The following OR6J1 variants were observed in gnomAD, a reference collection of about 807,000 sequenced individuals.
OR6J1 encodes the protein olfactory receptor family 6 subfamily J member 1, also known as olfactory receptor 6J1.
For synonymous variants in OR6J1, 109 were observed against 70.0 expected (o/e 1.56, Z -2.78); for missense variants, 304 against 166.8 (o/e 1.82, Z -4.53).
chr14:22,636,123 G>C (rs1185926357), intron 1 of OR6J1, among the ~76,000 whole-genome samples: 1 of 151,188 alleles, frequency 6.6e-6, no homozygotes, highest in Non-Finnish European at 1.5e-5. Flanking sequence ...TAGAAAGATG[G>C]GCCAAACATG....
At chr14:22,643,220 G>A (rs1395188233) in intron 1 of OR6J1, among the ~76,000 whole-genome samples, 5 of 150,844 alleles carry the variant, frequency 3.3e-5, no homozygotes, top group Admixed American at 6.6e-5. Context: ...CATCCACCTC[G>A]GCCTCCCAAA....
chr14:22,643,742 CACACACACACACACACACACACAG>C (rs1566803359), intron 1 of OR6J1, among the ~76,000 whole-genome samples: 2 of 97,206 alleles, frequency 2.1e-5, no homozygotes, highest in Non-Finnish European at 4.2e-5. Flanking sequence ...CACACACACA[CACACACACACACACACACACACAG>C]AGAGAGAGAG....
At position 22,634,068 on chromosome 14, in the gene OR6J1, G is replaced by A. The variant is rs573419212; in HGVS notation, c.744C>T (p.Ile248=). The A allele has an allele frequency of 1.8e-5, 13 of 703,002 alleles. No homozygotes were observed. Among genetic ancestry groups the A allele is most frequent in the African/African-American group, 1.2e-4 (7 of 57,366 alleles). 43.5% of individuals were successfully genotyped at this position (703,002 alleles called of 1,614,324 possible). ...TAAACACAGTGATGCCACTAGAAATGATGACTATGGTCAGGTGGGAAGCAC... is the reference window on the plus strand; with the variant it reads ...TAAACACAGTGATGCCACTAGAAATAATGACTATGGTCAGGTGGGAAGCAC... ...NTCASHLTIV[I]ISSGITVFIY... is the part of the protein sequence containing the mutation. The change falls in exon 2 of 2, where the codon ATC becomes ATT. Residue 248 remains isoleucine, a synonymous_variant. Transcript: ENST00000540461.
chr14:22,638,663 AT>A (rs1267564784), intron 1 of OR6J1, among the ~76,000 whole-genome samples: 11,242 of 52,330 alleles, frequency 0.21, 569 homozygotes, highest in African/African-American at 0.34. Context: ...AAAAATAAAA[AT>A]AAAAAAAAAA....
rs2037646230 is a variant in OR6J1, at chr14:22,641,269, G to GAAA, written c.-28+2828_-28+2829insTTT. 7.5e-4 allele frequency among the ~76,000 whole-genome samples: 71 copies of GAAA among 95,256 alleles called. 1 individual carries two copies. Among genetic ancestry groups the GAAA allele is most frequent in the Admixed American group, 3.6e-3 (33 of 9,200 alleles). The allele number at this position is 95,256 out of a possible 152,430, so 62.5% of individuals were successfully genotyped here. A position where few individuals can be genotyped will look rare whatever the true frequency, so the allele number is the denominator to read the frequency against. On this transcript the variant is annotated intron_variant, in intron 1 of 1. Coordinates refer to ENST00000540461, the MANE Select transcript of OR6J1 (RefSeq NM_001348233.2). ...AGAAAGAAAGAAAGAAAGAAAGAAA[G>GAAA]GAAGGAAGGAAGAAAGAGAAGAAAG...
chr14:22,643,876 G>A (rs1258690593), intron 1 of OR6J1, among the ~76,000 whole-genome samples: 1 of 151,410 alleles, frequency 6.6e-6, no homozygotes, highest in African/African-American at 2.4e-5. Context: ...TTTGGACTTG[G>A]TCACCAAATC....
Position 22,634,781 on chromosome 14 carries a change from A to G in OR6J1, c.31T>C (p.Phe11Leu). 1.4e-6 allele frequency: 1 copy of G among 699,800 alleles called. No individual in the cohort carries two copies. The highest frequency in any genetic ancestry group is 2.0e-5 in the Admixed American group (1 of 49,806). The allele number at this position is 699,800 out of a possible 1,614,324, so 43.3% of individuals were successfully genotyped here. A position where few individuals can be genotyped will look rare whatever the true frequency, so the allele number is the denominator to read the frequency against. MGNWTAAVTEFVLLGFSLSRE... is the reference protein window; with the variant it reads MGNWTAAVTELVLLGFSLSRE... ...CTCAGGGAAAACCCCAGCAGAACAAACTCAGTCACCGCTGCAGTCCAGTTA... is the reference window on the plus strand; with the variant it reads ...CTCAGGGAAAACCCCAGCAGAACAAGCTCAGTCACCGCTGCAGTCCAGTTA... Residue 11 changes from phenylalanine to leucine, a missense_variant, in exon 2 of 2, where the codon TTT becomes CTT. Coordinates refer to ENST00000540461, the MANE Select transcript of OR6J1 (RefSeq NM_001348233.2).
chr14:22,638,271 A>G (rs1337792849), intron 1 of OR6J1, among the ~76,000 whole-genome samples: 1 of 62,646 alleles, frequency 1.6e-5, no homozygotes, highest in Non-Finnish European at 2.9e-5. Context: ...TGTGGATAGA[A>G]GTAGACATGG....
chr14:22,637,003 A>G (rs1198471051), intron 1 of OR6J1, among the ~76,000 whole-genome samples: 6 of 124,720 alleles, frequency 4.8e-5, no homozygotes, highest in Non-Finnish European at 8.0e-5. Flanking sequence ...CCATCTAGGA[A>G]GTGAGGAGCG....
intron 1 of OR6J1, among the ~76,000 whole-genome samples, chr14:22,639,995 TA>T (rs1016510047): frequency 0.053 from 5,678 of 108,090 alleles, 1,240 homozygotes; most frequent in African/African-American, 0.15. Flanking sequence ...AAAATAAATT[TA>T]AAAAAAAAAA....
intron 1 of OR6J1, among the ~76,000 whole-genome samples, chr14:22,639,551 A>G (rs1295795433): frequency 3.9e-5 from 5 of 129,678 alleles, no homozygotes; most frequent in Admixed American, 2.8e-4. Flanking sequence ...AAGGCGGGAA[A>G]GGTGGGGAAA....
Position 22,631,277 on chromosome 14 carries a change from CT to C in OR6J1, c.*2490del, listed in dbSNP as rs1282962699. ...TGGAAATTTCCTCTTCCTAATAAGC[CT>C]GGGAGCGCTATGGGAGACTGGGGTC... On this transcript the variant is annotated 3_prime_UTR_variant, in exon 2 of 2. Coordinates refer to ENST00000540461, the MANE Select transcript of OR6J1 (RefSeq NM_001348233.2). The C allele has an allele frequency of 6.6e-6, 1 of 152,168 alleles. No homozygotes were observed. Among genetic ancestry groups the C allele is most frequent in the African/African-American group, 2.4e-5 (1 of 41,448 alleles). 9.4% of individuals were successfully genotyped at this position (152,168 alleles called of 1,614,324 possible).
chr14:22,641,246 AAAGAAAGAAAGAAAGAAAGAAAGG>A lies in OR6J1; in HGVS notation c.-28+2828_-28+2851del, dbSNP rs1196002037. On this transcript the variant is annotated intron_variant, in intron 1 of 1. Coordinates refer to ENST00000540461, the MANE Select transcript of OR6J1 (RefSeq NM_001348233.2). Reference sequence around the variant, plus strand: ...GAAAGAAAGAAAGAAAGAAAGAAAGAAAGAAAGAAAGAAAGAAAGAAAGGAAGGAAGGAAGAAAGAGAAGAAAGA... The same window carrying A: ...GAAAGAAAGAAAGAAAGAAAGAAAGAAAGGAAGGAAGAAAGAGAAGAAAGA... 1.2e-3 allele frequency among the ~76,000 whole-genome samples: 40 copies of A among 32,954 alleles called. 4 individuals are homozygous for A. The highest frequency in any genetic ancestry group is 2.1e-4 in the Non-Finnish European group (3 of 14,558). The allele number at this position is 32,954 out of a possible 152,430, so 21.6% of individuals were successfully genotyped here. A position where few individuals can be genotyped will look rare whatever the true frequency, so the allele number is the denominator to read the frequency against.
chr14:22,639,523 G>A (rs2037626266), intron 1 of OR6J1, among the ~76,000 whole-genome samples: 1 of 131,614 alleles, frequency 7.6e-6, no homozygotes, highest in African/African-American at 3.5e-5. Context: ...GATGACAATG[G>A]CGGCTTTGTG....
In OR6J1 at chr14:22,631,547, G is replaced by C. The variant is rs964791706; in HGVS notation, c.*2221C>G. 1 of 152,196 alleles carries C rather than the reference G, an allele frequency of 6.6e-6. No individual in the cohort carries two copies. The highest frequency in any genetic ancestry group is 1.5e-5 in the Non-Finnish European group (1 of 68,054). 9.4% of individuals were successfully genotyped at this position (152,196 alleles called of 1,614,324 possible). A position where few individuals can be genotyped will look rare whatever the true frequency, so the allele number is the denominator to read the frequency against. ...TTCCCTGAACAATTGCTGTTATCCT[G>C]TTCTTTTTCCAAGGTGCCCAGATTT... On this transcript the variant is annotated 3_prime_UTR_variant, in exon 2 of 2. Transcript: ENST00000540461.
rs1300988322 is a variant in OR6J1 at position 22,636,747 on chromosome 14, G to A, written c.-27-1909C>T. Among the ~76,000 whole-genome samples the A allele has an allele frequency of 6.3e-3, 738 of 116,628 alleles. 20 individuals are homozygous for A. Among genetic ancestry groups the A allele is most frequent in the African/African-American group, 0.033 (676 of 20,466 alleles). The allele number at this position is 116,628 out of a possible 152,430, so 76.5% of individuals were successfully genotyped here. A position where few individuals can be genotyped will look rare whatever the true frequency, so the allele number is the denominator to read the frequency against. On this transcript the variant is annotated intron_variant, in intron 1 of 1. Transcript: ENST00000540461. ...GGTGCCCAGGCTGGAGTGCAGTGGCGTGATCTCGGCTCGCTACAGCCTCCA... is the reference window on the plus strand; with the variant it reads ...GGTGCCCAGGCTGGAGTGCAGTGGCATGATCTCGGCTCGCTACAGCCTCCA...
intron 1 of OR6J1, among the ~76,000 whole-genome samples, chr14:22,636,249 TC>T (rs2037583547): frequency 0.015 from 1 of 68 alleles, no homozygotes; most frequent in Non-Finnish European, 0.019. Flanking sequence ...CCTCTCCCTC[TC>T]CCTCTCCCTC....
intron 1 of OR6J1, among the ~76,000 whole-genome samples, chr14:22,637,601 C>T (rs75014069): frequency 1.9e-4 from 11 of 56,762 alleles, no homozygotes; most frequent in Admixed American, 3.9e-4. Flanking sequence ...GTCAGCCCCC[C>T]GCCTGGCCAG....
At chr14:22,642,434 G>T (rs984922775) in intron 1 of OR6J1, among the ~76,000 whole-genome samples, 2 of 150,800 alleles carry the variant, frequency 1.3e-5, no homozygotes, top group African/African-American at 4.9e-5. Flanking sequence ...CACCTCCAGG[G>T]TTCAAGCGAT....
Sources: allele counts gnomAD v4.1 joint callset (sites outside exome capture counted in the v4.1 genomes callset), GRCh38; gene constraint gnomAD v4.1.1; transcripts MANE v1.5; gene names NCBI Gene and HGNC (gene_info 2026-07-23, HGNC 2026-07-21).